PHTF2: variants seen among roughly 807,000 people sequenced by gnomAD.
PHTF2 encodes the protein protein PHTF2.
In PHTF2, 60 loss-of-function variants were observed where a neutral mutation model predicts 101.2. The ratio of observed to expected loss-of-function variants is 0.59; its 90% CI spans 0.48 to 0.73. The LOEUF is 0.73. Among genes scored for constraint, PHTF2 ranks in the 30% least tolerant of loss-of-function variants. The pLI is 0.00. For synonymous variants in PHTF2, 311 were observed against 307.3 expected (o/e 1.01, Z -0.13); for missense variants, 747 against 908.7 (o/e 0.82, Z 2.29).
intron 3 of PHTF2, among the ~76,000 whole-genome samples, chr7:77,893,208 A>G (rs887006849): frequency 6.6e-6 from 1 of 152,256 alleles, no homozygotes; most frequent in Admixed American, 6.5e-5. Flanking sequence ...GGTACTAAGC[A>G]TAGTACCTGA....
intron 11 of PHTF2, among the ~76,000 whole-genome samples, chr7:77,925,304 C>T (rs1401259233): frequency 2.6e-5 from 4 of 151,952 alleles, no homozygotes; most frequent in African/African-American, 7.3e-5. Flanking sequence ...CAGTTTTAGG[C>T]GTCTAAAGAT....
chr7:77,826,507 C>G (rs960496880), intron 1 of PHTF2, among the ~76,000 whole-genome samples: 23 of 152,096 alleles, frequency 1.5e-4, no homozygotes, highest in Admixed American at 1.5e-3. Flanking sequence ...GGTTTCTAGT[C>G]TCAATGTCAC....
At chr7:77,910,359 C>A (rs775692272) in exon 9 of PHTF2, 3 of 1,613,740 alleles carry the variant, frequency 1.9e-6, no homozygotes, top group East Asian at 2.2e-5. Flanking sequence ...CCTCTCACAG[C>A]GTTGGCACTG....
At chr7:77,872,007 A>G (rs7787003) in intron 3 of PHTF2, among the ~76,000 whole-genome samples, 3,985 of 152,278 alleles carry the variant, frequency 0.026, 150 homozygotes, top group African/African-American at 0.09. Context: ...AAAAGGTTCA[A>G]TATAATCAAT....
rs148344466 is a variant in PHTF2 at position 77,804,323 on chromosome 7, T to TTTTG, written c.-36+5369_-36+5372dup. On this transcript the variant is annotated intron_variant, in intron 1 of 19. Coordinates refer to ENST00000416283, the Ensembl canonical transcript of PHTF2. ...GTAGTCTCTGTCTTAATGAGGGGTTTTTTGTTTGTTTGTTTGTTTGATACG... is the reference window on the plus strand; with the variant it reads ...GTAGTCTCTGTCTTAATGAGGGGTTTTTTGTTTGTTTGTTTGTTTGTTTGATACG... 2.3e-4 allele frequency among the ~76,000 whole-genome samples: 35 copies of TTTTG among 152,148 alleles called. 1 individual carries two copies. The highest frequency in any genetic ancestry group is 8.8e-5 in the Non-Finnish European group (6 of 68,028).
intron 16 of PHTF2, among the ~76,000 whole-genome samples, chr7:77,948,639 A>G (rs1806286801): frequency 6.6e-6 from 1 of 152,230 alleles, no homozygotes; most frequent in Non-Finnish European, 1.5e-5. Context: ...GAATATAAAA[A>G]GATAACTCAC....
At chr7:77,908,009 C>T (rs1285291525) in intron 7 of PHTF2, 1 of 152,046 alleles carries the variant, frequency 6.6e-6, no homozygotes, top group Non-Finnish European at 1.5e-5. Flanking sequence ...TTCATTTTTT[C>T]ATAGTCTTTA....
At chr7:77,914,638 A>G (rs556262984) in intron 9 of PHTF2, among the ~76,000 whole-genome samples, 12 of 152,274 alleles carry the variant, frequency 7.9e-5, no homozygotes, top group Admixed American at 7.2e-4. Context: ...AGAATCATGG[A>G]ATGATAGAGT....
chr7:77,954,039 T>C, intron 19 of PHTF2, 145 bp downstream of exon 18: 1 of 639,878 alleles, frequency 1.6e-6, no homozygotes, highest in Non-Finnish European at 2.7e-6. Flanking sequence ...AAGAATTATA[T>C]GTATTTATGT....
At chr7:77,808,685 T>G (rs374689145) in intron 1 of PHTF2, among the ~76,000 whole-genome samples, 8 of 152,210 alleles carry the variant, frequency 5.3e-5, no homozygotes, top group East Asian at 3.9e-4. Flanking sequence ...GATACTTTGC[T>G]CTAGTAATTC....
At chr7:77,809,496 G>A (rs1412602047) in intron 1 of PHTF2, among the ~76,000 whole-genome samples, 2 of 151,844 alleles carry the variant, frequency 1.3e-5, no homozygotes, top group African/African-American at 4.8e-5. Context: ...CGAAGTGCTG[G>A]GATTATAGGC....
chr7:77,924,085 T>G, intron 11 of PHTF2: 1 of 964,618 alleles, frequency 1.0e-6, no homozygotes, highest in Non-Finnish European at 1.2e-6. Flanking sequence ...AAAGCTGCAT[T>G]CAGTTCTCAA....
intron 3 of PHTF2, among the ~76,000 whole-genome samples, chr7:77,855,477 C>T (rs1427788524): frequency 6.6e-6 from 1 of 152,154 alleles, no homozygotes; most frequent in Non-Finnish European, 1.5e-5. Flanking sequence ...TCTTGGCTGC[C>T]CCAGCTGCTA....
chr7:77,824,385 T>G (rs1794547277), intron 1 of PHTF2, among the ~76,000 whole-genome samples: 1 of 152,192 alleles, frequency 6.6e-6, no homozygotes, highest in East Asian at 1.9e-4. Context: ...CTCCCTTTAC[T>G]TCCTTTTGTT....
chr7:77,913,130 G>A (rs1469694321), intron 9 of PHTF2, among the ~76,000 whole-genome samples: 1 of 152,152 alleles, frequency 6.6e-6, no homozygotes, highest in Non-Finnish European at 1.5e-5. Flanking sequence ...GCTCATGCCT[G>A]TAATCCCAGC....
chr7:77,849,895 T>C (rs1796601529), intron 2 of PHTF2, among the ~76,000 whole-genome samples: 1 of 152,222 alleles, frequency 6.6e-6, no homozygotes. Flanking sequence ...TCAGTTGTAA[T>C]AGATTTTTGG....
At chr7:77,824,883 A>C (rs1794587632) in intron 1 of PHTF2, among the ~76,000 whole-genome samples, 1 of 151,766 alleles carries the variant, frequency 6.6e-6, no homozygotes, top group South Asian at 2.1e-4. Flanking sequence ...AAAAAAAAAA[A>C]CGTTAGCCGA....
chr7:77,943,044 T>C (rs780441497), intron 16 of PHTF2, among the ~76,000 whole-genome samples: 3 of 152,244 alleles, frequency 2.0e-5, no homozygotes, highest in Non-Finnish European at 4.4e-5. Flanking sequence ...TATCTTTACT[T>C]CCCAAAAGAA....
intron 11 of PHTF2, among the ~76,000 whole-genome samples, chr7:77,928,895 G>T (rs1019289696): frequency 6.6e-6 from 1 of 152,186 alleles, no homozygotes; most frequent in Non-Finnish European, 1.5e-5. Context: ...AGTAATATCT[G>T]AGCTGAAATA....
Sources: allele counts gnomAD v4.1 joint callset (sites outside exome capture counted in the v4.1 genomes callset), GRCh38; gene constraint gnomAD v4.1.1; transcripts MANE v1.5; gene names NCBI Gene and HGNC (gene_info 2026-07-23, HGNC 2026-07-21).